Variants in GXYLT1 observed in about 807,000 individuals in gnomAD.
GXYLT1 encodes the protein glucoside xylosyltransferase 1, also known as glycosyltransferase 8 domain containing 3.
A neutral mutation model predicts 54.0 loss-of-function variants in GXYLT1; 29 were observed. That is an observed-to-expected ratio of 0.54 (90% CI 0.40 to 0.73). GXYLT1 has a LOEUF of 0.73. Among genes scored for constraint, GXYLT1 ranks in the 30% least tolerant of loss-of-function variants. The pLI, the probability that GXYLT1 is intolerant of heterozygous loss-of-function variation, is 0.00. For missense variants in GXYLT1, 490 were observed against 553.4 expected (o/e 0.89, Z 1.15); for synonymous variants, 176 against 204.1 (o/e 0.86, Z 1.17).
At chr12:42,126,144 G>C (rs973280513) in intron 2 of GXYLT1, among the ~76,000 whole-genome samples, 1 of 150,422 alleles carries the variant, frequency 6.6e-6, no homozygotes, top group African/African-American at 2.5e-5. Context: ...TGTGGTATTG[G>C]TTCACTGCAA....
At chr12:42,129,917 T>C (rs2065584977) in intron 1 of GXYLT1, 66 bp from the exon 2 acceptor site, 1 of 945,874 alleles carries the variant, frequency 1.1e-6, no homozygotes, top group Non-Finnish European at 1.7e-6. Flanking sequence ...ACAAGGAATT[T>C]ACTCAGTAAC....
chr12:42,123,707 A>G (rs1258959937), intron 2 of GXYLT1, among the ~76,000 whole-genome samples: 2 of 152,036 alleles, frequency 1.3e-5, no homozygotes, highest in Non-Finnish European at 2.9e-5. Flanking sequence ...CCCTATTTAA[A>G]GAGATACATA....
At chr12:42,132,777 T>C (rs1938876432) in intron 1 of GXYLT1, among the ~76,000 whole-genome samples, 1 of 151,896 alleles carries the variant, frequency 6.6e-6, no homozygotes, top group Non-Finnish European at 1.5e-5. Flanking sequence ...GGCAATGTTT[T>C]TGTTTTGTTT....
At chr12:42,096,283 T>C (rs374263249) in intron 7 of GXYLT1, among the ~76,000 whole-genome samples, 3 of 152,130 alleles carry the variant, frequency 2.0e-5, no homozygotes, top group African/African-American at 7.2e-5. Flanking sequence ...CAGAGCTCCT[T>C]TGACAGATGA....
chr12:42,098,419 T>C (rs2065369651), intron 5 of GXYLT1, among the ~76,000 whole-genome samples: 1 of 146,624 alleles, frequency 6.8e-6, no homozygotes, highest in South Asian at 2.2e-4. Flanking sequence ...TATTCAGTGT[T>C]AGCTATTATT....
intron 2 of GXYLT1, among the ~76,000 whole-genome samples, chr12:42,123,395 T>C (rs2065542714): frequency 6.6e-6 from 1 of 152,114 alleles, no homozygotes; most frequent in South Asian, 2.1e-4. Context: ...TGGTAAAATG[T>C]TAATAATAAA....
chr12:42,144,271 C>A (rs977438791), intron 1 of GXYLT1, among the ~76,000 whole-genome samples, 155 bp downstream of exon 1: 2 of 150,164 alleles, frequency 1.3e-5, no homozygotes, highest in East Asian at 1.9e-4. Context: ...GGTTTAGCCC[C>A]GGCCGGAGGG....
At chr12:42,136,435 C>A (rs2065619709) in intron 1 of GXYLT1, among the ~76,000 whole-genome samples, 1 of 152,148 alleles carries the variant, frequency 6.6e-6, no homozygotes, top group Non-Finnish European at 1.5e-5. Context: ...GTGGGTATGT[C>A]TTCACTATAC....
At chr12:42,144,368 G>T (rs1319874328) in intron 1 of GXYLT1, 58 bp downstream of exon 1, 1 of 1,195,176 alleles carries the variant, frequency 8.4e-7, no homozygotes, top group South Asian at 1.7e-5. Flanking sequence ...GGGCTAGGCC[G>T]AGCCCGCGCC....
At chr12:42,140,689 C>T (rs7298106) in intron 1 of GXYLT1, among the ~76,000 whole-genome samples, 78,917 of 151,808 alleles carry the variant, frequency 0.52, 20,948 homozygotes, top group South Asian at 0.7. Context: ...TATGGCCTAA[C>T]CAGATCTAAA....
rs569536901 is a variant in GXYLT1 at position 42,103,557 on chromosome 12, T to G, written c.864+2261A>C. ...CCAAGACAATGTTTTGCTATAGATA[T>G]AAAGATCAAGAAAAATAAAAATATA... On this transcript the variant is annotated intron_variant, in intron 5 of 7. Transcript: ENST00000398675. Among the ~76,000 whole-genome samples the G allele has an allele frequency of 5.3e-5, 8 of 152,190 alleles. No individual in the cohort carries two copies. The South Asian group carries it at 1.7e-3, about 32-fold the overall frequency.
intron 2 of GXYLT1, among the ~76,000 whole-genome samples, chr12:42,129,260 AAGGAAG>A (rs2136914892): frequency 6.6e-6 from 1 of 152,308 alleles, no homozygotes; most frequent in East Asian, 1.9e-4. Flanking sequence ...ATAAACATTA[AAGGAAG>A]AAGTAGCCAG....
intron 7 of GXYLT1, among the ~76,000 whole-genome samples, chr12:42,090,342 C>T (rs1464871899): frequency 6.6e-6 from 1 of 152,180 alleles, no homozygotes; most frequent in Non-Finnish European, 1.5e-5. Context: ...CTAGGTGTCC[C>T]TTTCCCAGAG....
chr12:42,123,504 A>C (rs1761531684), intron 2 of GXYLT1, among the ~76,000 whole-genome samples: 1 of 152,192 alleles, frequency 6.6e-6, no homozygotes, highest in African/African-American at 2.4e-5. Flanking sequence ...GTAGGGGTTT[A>C]TCATAAAAAA....
chr12:42,108,980 C>T (rs824696), intron 4 of GXYLT1, among the ~76,000 whole-genome samples: 3,001 of 151,880 alleles, frequency 0.02, 115 homozygotes, highest in African/African-American at 0.068. Flanking sequence ...AACCTTGCTT[C>T]AGAACATTTG....
chr12:42,102,490 TTATC>T (rs762381867), intron 5 of GXYLT1, among the ~76,000 whole-genome samples: 7 of 152,328 alleles, frequency 4.6e-5, no homozygotes, highest in Admixed American at 6.5e-5. Flanking sequence ...TTGCTAGCAA[TTATC>T]TATCAAGTTG....
intron 3 of GXYLT1, among the ~76,000 whole-genome samples, chr12:42,110,027 A>C (rs1175174752): frequency 6.6e-6 from 1 of 152,196 alleles, no homozygotes; most frequent in Non-Finnish European, 1.5e-5. Flanking sequence ...TTAACAAGCT[A>C]AAATCAGAAA....
chr12:42,092,318 G>A (rs1187947469), intron 7 of GXYLT1, among the ~76,000 whole-genome samples: 1 of 152,164 alleles, frequency 6.6e-6, no homozygotes, highest in Admixed American at 6.5e-5. Context: ...CAGTGTAGTA[G>A]AACAGACAGC....
chr12:42,105,692 T>G, intron 5 of GXYLT1, 126 bp downstream of exon 5: 28 of 640,624 alleles, frequency 4.4e-5, no homozygotes, highest in Non-Finnish European at 6.7e-5. Context: ...ATTCTTCTAA[T>G]GAGATTATTC....
Sources: gnomAD v4.1 joint callset for allele counts (sites outside exome capture counted in the v4.1 genomes callset) on GRCh38, gnomAD v4.1.1 for gene constraint, MANE v1.5 for transcripts, NCBI Gene and HGNC (gene_info 2026-07-23, HGNC 2026-07-21) for gene names.